CNTN5: variants seen among roughly 807,000 people sequenced by gnomAD.
The protein encoded by CNTN5 is contactin-5.
Under a neutral mutation model 129.1 loss-of-function variants are expected in CNTN5, and 77 were observed. That is an observed-to-expected ratio of 0.60 (90% CI 0.50 to 0.72). The LOEUF is 0.72. Ranked by LOEUF, CNTN5 falls within the 30% of genes least tolerant of loss-of-function variation. The probability of loss-of-function intolerance (pLI) is 0.00; values close to 1 mark genes in which losing one functional copy is unlikely to be tolerated. For synonymous variants in CNTN5, 509 were observed against 465.6 expected, an observed-to-expected ratio of 1.09 and a Z score of -1.20; for missense variants, 1,478 against 1,328.8, an observed-to-expected ratio of 1.11 and a Z score of -1.75.
At chr11:100,043,093 A>G (rs1259715850) in intron 9 of CNTN5, among the ~76,000 whole-genome samples, 1 of 152,228 alleles carries the variant, frequency 6.6e-6, no homozygotes, top group Non-Finnish European at 1.5e-5. Flanking sequence ...GTTTTGGATA[A>G]TACCATAATT....
intron 3 of CNTN5, among the ~76,000 whole-genome samples, chr11:99,722,999 A>G (rs1565461967): frequency 6.6e-6 from 1 of 150,540 alleles, no homozygotes; most frequent in South Asian, 2.1e-4. Context: ...CAACAACACT[A>G]TTTTTTTTTC....
At chr11:99,566,954 T>G (rs972883159) in intron 3 of CNTN5, among the ~76,000 whole-genome samples, 3 of 152,226 alleles carry the variant, frequency 2.0e-5, no homozygotes, top group Admixed American at 6.5e-5. Context: ...AGTTGTAGAC[T>G]AAATAAGAAT....
At chr11:99,268,482 G>GA (rs1036263891) in intron 1 of CNTN5, among the ~76,000 whole-genome samples, 2 of 151,500 alleles carry the variant, frequency 1.3e-5, no homozygotes, top group African/African-American at 4.8e-5. Context: ...AAGCATTATT[G>GA]AAAAAATACT....
intron 1 of CNTN5, among the ~76,000 whole-genome samples, chr11:99,197,274 G>C (rs1201356688): frequency 6.6e-6 from 1 of 151,686 alleles, no homozygotes; most frequent in Non-Finnish European, 1.5e-5. Flanking sequence ...CAAAACTTAA[G>C]AGTACATAAT....
chr11:100,063,727 A>AG (rs1943578327), intron 10 of CNTN5, among the ~76,000 whole-genome samples: 1 of 148,206 alleles, frequency 6.7e-6, no homozygotes, highest in Admixed American at 6.7e-5. Flanking sequence ...AAAAAAAAAA[A>AG]ATACAAAAAA....
intron 3 of CNTN5, among the ~76,000 whole-genome samples, chr11:99,696,040 G>A (rs1200683584): frequency 6.6e-6 from 1 of 151,902 alleles, no homozygotes; most frequent in African/African-American, 2.4e-5. Flanking sequence ...ATTTAATTAG[G>A]ATTTTTCAAC....
chr11:100,174,011 A>G (rs889255560), intron 13 of CNTN5, among the ~76,000 whole-genome samples: 1 of 152,130 alleles, frequency 6.6e-6, no homozygotes, highest in Non-Finnish European at 1.5e-5. Context: ...GAAAGAGAAG[A>G]GCAATAAATC....
At chr11:99,945,443 T>C (rs1950532564) in intron 7 of CNTN5, among the ~76,000 whole-genome samples, 2 of 151,684 alleles carry the variant, frequency 1.3e-5, no homozygotes, top group African/African-American at 4.8e-5. Context: ...ACTGCTAGGA[T>C]GATTCTGCAT....
chr11:99,274,155 G>A (rs1863312628), intron 1 of CNTN5, among the ~76,000 whole-genome samples: 1 of 151,708 alleles, frequency 6.6e-6, no homozygotes, highest in Non-Finnish European at 1.5e-5. Context: ...GTTCCATTTT[G>A]CAGTGCTATT....
intron 11 of CNTN5, among the ~76,000 whole-genome samples, chr11:100,070,868 T>C (rs961777189): frequency 6.6e-6 from 1 of 152,120 alleles, no homozygotes; most frequent in African/African-American, 2.4e-5. Context: ...TTTTCAATCC[T>C]ATAAATTTTT....
At chr11:99,366,270 A>ACG (rs75453284) in intron 2 of CNTN5, among the ~76,000 whole-genome samples, 8,787 of 152,214 alleles carry the variant, frequency 0.058, 583 homozygotes, top group East Asian at 0.2. Context: ...CATGTGGTTA[A>ACG]CGATTTTGCT....
At chr11:99,923,757 G>GTCTATCTATCTATCTATCTATCTA (rs11271049) in intron 7 of CNTN5, among the ~76,000 whole-genome samples, 80 of 140,700 alleles carry the variant, frequency 5.7e-4, no homozygotes, top group African/African-American at 1.3e-3. Context: ...CTATCTGTCT[G>GTCTATCTATCTATCTATCTATCTA]TCTATCTATC....
intron 2 of CNTN5, among the ~76,000 whole-genome samples, chr11:99,528,988 T>C (rs1035099045): frequency 1.1e-4 from 16 of 151,940 alleles, no homozygotes; most frequent in Non-Finnish European, 1.9e-4. Flanking sequence ...GGCAGAAGAA[T>C]TGCTTGAACC....
At position 100,181,869 on chromosome 11, in the gene CNTN5, T is replaced by A. The variant is rs1003837994; in HGVS notation, c.1581-9257T>A. ...TGCTTAGAGAAATTGAAGACCTAAA[T>A]AGATGGAGTTATGTCTTCTTCATGA... On this transcript the variant is annotated intron_variant, in intron 13 of 24. Coordinates refer to ENST00000524871, the MANE Select transcript of CNTN5 (RefSeq NM_014361.4). Among the ~76,000 whole-genome samples, 4 of 152,160 alleles carry A rather than the reference T, an allele frequency of 2.6e-5. No homozygotes were observed. The Middle Eastern group carries it at 0.014, about 518-fold the overall frequency.
intron 19 of CNTN5, among the ~76,000 whole-genome samples, chr11:100,298,576 C>T (rs1474905070): frequency 6.0e-5 from 9 of 151,102 alleles, no homozygotes; most frequent in Non-Finnish European, 1.2e-4. Flanking sequence ...GTAACTTTTC[C>T]ACATTGACTG....
At chr11:99,339,098 T>A (rs902710306) in intron 2 of CNTN5, among the ~76,000 whole-genome samples, 1 of 151,408 alleles carries the variant, frequency 6.6e-6, no homozygotes, top group Non-Finnish European at 1.5e-5. Flanking sequence ...CTCTATGATG[T>A]GCCTATTTCA....
intron 1 of CNTN5, among the ~76,000 whole-genome samples, chr11:99,106,570 T>C (rs995825371): frequency 6.6e-6 from 1 of 152,046 alleles, no homozygotes; most frequent in African/African-American, 2.4e-5. Flanking sequence ...ATATCAAATA[T>C]TAAATATTTG....
chr11:99,204,731 G>C (rs1859389020), intron 1 of CNTN5, among the ~76,000 whole-genome samples: 1 of 152,134 alleles, frequency 6.6e-6, no homozygotes, highest in Non-Finnish European at 1.5e-5. Context: ...CTAAAGTTAA[G>C]TAAATGGCCT....
chr11:99,648,062 C>A (rs191889024), intron 3 of CNTN5, among the ~76,000 whole-genome samples: 98 of 152,018 alleles, frequency 6.4e-4, no homozygotes, highest in African/African-American at 2.3e-3. Flanking sequence ...TGTGGGTTTA[C>A]CACAGATAGC....
Sources: allele counts gnomAD v4.1 joint callset (sites outside exome capture counted in the v4.1 genomes callset), GRCh38; gene constraint gnomAD v4.1.1; transcripts MANE v1.5; gene names NCBI Gene and HGNC (gene_info 2026-07-23, HGNC 2026-07-21).